Variants in LHFPL6 observed in about 807,000 individuals in gnomAD.
LHFPL6 encodes the protein LHFPL tetraspan subfamily member 6, also known as LHFPL tetraspan subfamily member 6 protein.
LHFPL6 carries 9 observed loss-of-function variants against 20.6 expected under a neutral mutation model. The observed-to-expected ratio is 0.44, with a 90% CI of 0.26 to 0.76. The LOEUF is 0.76. LHFPL6 is among the 30% of genes least tolerant of loss of function. The probability of loss-of-function intolerance (pLI) is 0.20; values close to 1 mark genes in which losing one functional copy is unlikely to be tolerated. For missense variants in LHFPL6, 218 were observed against 253.5 expected, an observed-to-expected ratio of 0.86 and a Z score of 0.95; for synonymous variants, 105 against 98.7, an observed-to-expected ratio of 1.06 and a Z score of -0.38.
chr13:39,359,320 T>G (rs1394329088), intron 3 of LHFPL6, among the ~76,000 whole-genome samples: 1 of 152,120 alleles, frequency 6.6e-6, no homozygotes, highest in Non-Finnish European at 1.5e-5. Flanking sequence ...CTCAACAATC[T>G]CACTGCTAGG....
intron 3 of LHFPL6, among the ~76,000 whole-genome samples, chr13:39,345,250 T>C (rs1264038566): frequency 6.6e-6 from 1 of 152,104 alleles, no homozygotes; most frequent in East Asian, 1.9e-4. Context: ...CAGTGGCTCA[T>C]GCCTGTAATC....
At chr13:39,407,609 T>C (rs1049661124) in intron 2 of LHFPL6, among the ~76,000 whole-genome samples, 2 of 152,174 alleles carry the variant, frequency 1.3e-5, no homozygotes, top group African/African-American at 4.8e-5. Flanking sequence ...CTGCCTGTAA[T>C]GGAAAAAATA....
intron 2 of LHFPL6, among the ~76,000 whole-genome samples, chr13:39,541,975 C>T (rs1870816543): frequency 6.6e-6 from 1 of 151,822 alleles, no homozygotes; most frequent in Non-Finnish European, 1.5e-5. Context: ...CCTGTAGCCC[C>T]AGCTACTCGG....
At chr13:39,383,948 T>C (rs2138364695) in intron 2 of LHFPL6, among the ~76,000 whole-genome samples, 1 of 152,310 alleles carries the variant, frequency 6.6e-6, no homozygotes, top group South Asian at 2.1e-4. Flanking sequence ...CAGCACTTCC[T>C]GATTTCCTGA....
intron 2 of LHFPL6, among the ~76,000 whole-genome samples, chr13:39,583,227 G>A (rs546399164): frequency 1.2e-4 from 17 of 141,240 alleles, no homozygotes; most frequent in Non-Finnish European, 2.4e-4. Context: ...AGGCTGGAGT[G>A]CAGTGCACAA....
intron 2 of LHFPL6, among the ~76,000 whole-genome samples, chr13:39,413,807 C>A (rs1010269210): frequency 1.3e-4 from 20 of 152,002 alleles, no homozygotes; most frequent in Admixed American, 1.3e-3. Flanking sequence ...ACCCCAGTAG[C>A]CTTCCTTCTA....
intron 2 of LHFPL6, among the ~76,000 whole-genome samples, chr13:39,566,354 C>T (rs1871713452): frequency 6.6e-6 from 1 of 152,120 alleles, no homozygotes; most frequent in African/African-American, 2.4e-5. Context: ...ATTAATAAAT[C>T]CTTAGAAAGC....
At chr13:39,517,909 C>T (rs1378551148) in intron 2 of LHFPL6, among the ~76,000 whole-genome samples, 1 of 152,132 alleles carries the variant, frequency 6.6e-6, no homozygotes, top group Non-Finnish European at 1.5e-5. Flanking sequence ...ATCATTTCCA[C>T]AACTCCCACC....
intron 2 of LHFPL6, among the ~76,000 whole-genome samples, chr13:39,586,157 T>G (rs1371346168): frequency 1.0e-5 from 1 of 97,924 alleles, no homozygotes; most frequent in Non-Finnish European, 2.0e-5. Context: ...CACTCTTACA[T>G]CTAATTATTG....
intron 2 of LHFPL6, among the ~76,000 whole-genome samples, chr13:39,419,069 T>C (rs1394152463): frequency 1.3e-5 from 2 of 152,210 alleles, no homozygotes; most frequent in East Asian, 3.8e-4. Flanking sequence ...AGCTTCCCAA[T>C]TAGTAAGTAG....
At chr13:39,477,302 C>A (rs1331113817) in intron 2 of LHFPL6, among the ~76,000 whole-genome samples, 1 of 152,216 alleles carries the variant, frequency 6.6e-6, no homozygotes, top group Non-Finnish European at 1.5e-5. Flanking sequence ...GTCAGAGCTA[C>A]CCTATTTGGC....
At chr13:39,368,818 G>A (rs977011416) in intron 3 of LHFPL6, among the ~76,000 whole-genome samples, 1 of 152,130 alleles carries the variant, frequency 6.6e-6, no homozygotes, top group African/African-American at 2.4e-5. Context: ...AATTATTTCA[G>A]TCTTGATTTC....
intron 2 of LHFPL6, among the ~76,000 whole-genome samples, chr13:39,401,840 C>T (rs1870998520): frequency 6.6e-6 from 1 of 152,188 alleles, no homozygotes; most frequent in African/African-American, 2.4e-5. Flanking sequence ...TTAACCCTGT[C>T]ATCTCAACAA....
intron 2 of LHFPL6, among the ~76,000 whole-genome samples, chr13:39,470,113 A>G (rs1872905775): frequency 6.6e-6 from 1 of 152,222 alleles, no homozygotes; most frequent in African/African-American, 2.4e-5. Flanking sequence ...ATATATATAT[A>G]AGCCACAGAA....
At chr13:39,574,544 G>A (rs1283696631) in intron 2 of LHFPL6, among the ~76,000 whole-genome samples, 1 of 151,800 alleles carries the variant, frequency 6.6e-6, no homozygotes, top group Non-Finnish European at 1.5e-5. Flanking sequence ...TAAATAATAG[G>A]TCATATTTCA....
intron 2 of LHFPL6, among the ~76,000 whole-genome samples, chr13:39,399,023 C>A (rs1391369014): frequency 6.6e-6 from 1 of 152,196 alleles, no homozygotes; most frequent in Non-Finnish European, 1.5e-5. Flanking sequence ...TCATTCGACA[C>A]AAGTGTGGCC....
intron 3 of LHFPL6, among the ~76,000 whole-genome samples, chr13:39,358,008 A>C (rs979734700): frequency 2.0e-5 from 3 of 152,190 alleles, no homozygotes; most frequent in Non-Finnish European, 4.4e-5. Context: ...GCAACCTATC[A>C]ACTACTAACA....
At chr13:39,390,344 A>C (rs989578467) in intron 2 of LHFPL6, among the ~76,000 whole-genome samples, 1 of 152,034 alleles carries the variant, frequency 6.6e-6, no homozygotes, top group Non-Finnish European at 1.5e-5. Context: ...AAAAGAAAAA[A>C]AAAATTAGCC....
intron 2 of LHFPL6, among the ~76,000 whole-genome samples, chr13:39,590,424 T>C (rs1872560770): frequency 6.6e-6 from 1 of 152,226 alleles, no homozygotes; most frequent in Non-Finnish European, 1.5e-5. Context: ...GTTTTTCTTT[T>C]TCCTGGTAGC....
Sources: gnomAD v4.1 joint callset for allele counts (sites outside exome capture counted in the v4.1 genomes callset) on GRCh38, gnomAD v4.1.1 for gene constraint, MANE v1.5 for transcripts, NCBI Gene and HGNC (gene_info 2026-07-23, HGNC 2026-07-21) for gene names.